Variants in RFX1 observed in about 807,000 individuals in gnomAD.
The protein encoded by RFX1 is MHC class II regulatory factor RFX1.
A neutral mutation model predicts 119.6 loss-of-function variants in RFX1; 42 were observed. The ratio of observed to expected loss-of-function variants is 0.35; its 90% CI spans 0.27 to 0.45. RFX1 has a LOEUF of 0.45. Ranked by LOEUF, RFX1 falls within the 20% of genes least tolerant of loss-of-function variation. RFX1 has a pLI of 1.00. For synonymous variants in RFX1, 628 were observed against 618.5 expected (o/e 1.02, Z -0.23); for missense variants, 1,118 against 1,368.1 (o/e 0.82, Z 2.88).
chr19:13,973,274 A>G (rs1463519140), intron 8 of RFX1, 147 bp from the exon 9 acceptor site: 1 of 651,862 alleles, frequency 1.5e-6, no homozygotes, highest in African/African-American at 1.8e-5. Flanking sequence ...GCATTCATCT[A>G]CAACGGACTG....
At chr19:13,982,296 G>GATGACAGCCCGTGCAGTTGCAC in intron 4 of RFX1, 68 bp from the exon 5 acceptor site, 23 of 868,964 alleles carry the variant, frequency 2.6e-5, no homozygotes, top group Middle Eastern at 3.1e-4. Context: ...CCGAGCATCT[G>GATGACAGCCCGTGCAGTTGCAC]CGCAGTGCCA....
intron 1 of RFX1, chr19:13,998,446 T>G (rs925026886): frequency 4.0e-5 from 6 of 151,382 alleles, no homozygotes; most frequent in Non-Finnish European, 7.4e-5. Flanking sequence ...ATCACACCAC[T>G]GCAATCCAGC....
At chr19:13,971,344 GA>G (rs1175438246) in intron 9 of RFX1, among the ~76,000 whole-genome samples, 2 of 149,848 alleles carry the variant, frequency 1.3e-5, no homozygotes, top group South Asian at 2.1e-4. Context: ...CTCCAAAAAA[GA>G]AAAAAAAAGA....
chr19:13,988,604 TA>T (rs1974691781), intron 2 of RFX1, among the ~76,000 whole-genome samples: 1 of 152,216 alleles, frequency 6.6e-6, no homozygotes, highest in Admixed American at 6.5e-5. Context: ...GGTGCTCCTC[TA>T]GGCTGTTCTG....
At chr19:13,978,384 C>G (rs1974318715) in intron 7 of RFX1, among the ~76,000 whole-genome samples, 1 of 152,048 alleles carries the variant, frequency 6.6e-6, no homozygotes, top group Non-Finnish European at 1.5e-5. Flanking sequence ...GGACCCCAGG[C>G]ACAGGGGCAA....
intron 2 of RFX1, among the ~76,000 whole-genome samples, chr19:13,987,885 G>A (rs947482382): frequency 6.6e-6 from 1 of 152,136 alleles, no homozygotes; most frequent in Non-Finnish European, 1.5e-5. Context: ...CATGGGTACA[G>A]AGTACCCTCC....
chr19:13,962,838 T>TCTC lies in RFX1; in HGVS notation c.2794_2796dup (p.Glu932dup). 3.9e-6 allele frequency: 6 copies of TCTC among 1,528,188 alleles called. No homozygotes were observed. Among genetic ancestry groups the TCTC allele is most frequent in the Non-Finnish European group, 5.3e-6 (6 of 1,140,220 alleles). 94.7% of individuals were successfully genotyped at this position (1,528,188 alleles called of 1,614,324 possible). A position where few individuals can be genotyped will look rare whatever the true frequency, so the allele number is the denominator to read the frequency against. ...ATGTCCTGCGGCAGCTCGTCCTCGC[T>TCTC]CTCCTCCTCCTCTTCTTCCTCCTCG... On this transcript the variant is annotated inframe_insertion, in exon 21 of 21. Transcript: ENST00000254325.
chr19:13,975,829 G>C (rs1599488028), intron 8 of RFX1, among the ~76,000 whole-genome samples: 2 of 152,382 alleles, frequency 1.3e-5, no homozygotes, highest in Admixed American at 1.3e-4. Context: ...GATAGGGCTG[G>C]CAAAGGGTCG....
At position 13,962,217 on chromosome 19, in the gene RFX1, G is replaced by A. The variant is rs949299138; in HGVS notation, c.*478C>T. 8 of 159,732 alleles carry A rather than the reference G, an allele frequency of 5.0e-5. No individual in the cohort carries two copies. The highest frequency in any genetic ancestry group is 1.1e-4 in the Non-Finnish European group (8 of 73,168). The allele number at this position is 159,732 out of a possible 1,614,324, so 9.9% of individuals were successfully genotyped here. A position where few individuals can be genotyped will look rare whatever the true frequency, so the allele number is the denominator to read the frequency against. On this transcript the variant is annotated 3_prime_UTR_variant, in exon 21 of 21. Transcript: ENST00000254325. ...GGGGTTGCTGGGGGTAGGGTGTCCCGGGGCTGCTGCTGACAGTGGGGAGTC... is the reference window on the plus strand; with the variant it reads ...GGGGTTGCTGGGGGTAGGGTGTCCCAGGGCTGCTGCTGACAGTGGGGAGTC...
chr19:13,974,700 C>T (rs1056315079), intron 8 of RFX1, among the ~76,000 whole-genome samples: 7 of 152,120 alleles, frequency 4.6e-5, no homozygotes, highest in Admixed American at 1.3e-4. Flanking sequence ...CGCTAAACAT[C>T]GTTGGACATA....
chr19:13,984,803 A>G (rs1470853061), intron 2 of RFX1, among the ~76,000 whole-genome samples: 1 of 152,156 alleles, frequency 6.6e-6, no homozygotes, highest in African/African-American at 2.4e-5. Flanking sequence ...CACTGCAGAC[A>G]CTAGTGTTGC....
At chr19:14,006,393 T>C (rs967573367), upstream of RFX1, 12 of 152,252 alleles carry the variant, frequency 7.9e-5, no homozygotes, top group East Asian at 5.8e-4. Context: ...GGAGAAGTGA[T>C]TGGACGGCGC....
intron 3 of RFX1, 99 bp from the exon 4 acceptor site, chr19:13,983,369 C>G (rs527719131): frequency 2.9e-4 from 361 of 1,257,712 alleles, no homozygotes; most frequent in Non-Finnish European, 3.9e-4. Context: ...TTGATAAGAA[C>G]AGGTGAGCAG....
At position 13,970,510 on chromosome 19, in the gene RFX1, A is replaced by T. The variant is rs78479720; in HGVS notation, c.1315-335T>A. Among the ~76,000 whole-genome samples, 785 of 151,682 alleles carry T rather than the reference A, an allele frequency of 5.2e-3. 2 individuals are homozygous for T. The highest frequency in any genetic ancestry group is 0.02 in the Middle Eastern group (6 of 294). Reference sequence around the variant, plus strand: ...ACCCTGTCTCTACCAACGAATTTTTAAAAAAATTAGCTAGTGTCGTGGTGC... The same window carrying T: ...ACCCTGTCTCTACCAACGAATTTTTTAAAAAATTAGCTAGTGTCGTGGTGC... On this transcript the variant is annotated intron_variant, in intron 9 of 20. Transcript: ENST00000254325.
Position 13,994,909 on chromosome 19 carries a change from T to C in RFX1, c.-52-1014A>G, listed in dbSNP as rs1219507907. On this transcript the variant is annotated intron_variant, in intron 1 of 20. Coordinates refer to ENST00000254325, the MANE Select transcript of RFX1 (RefSeq NM_002918.5). ...ATATACATACATATATATATATATA[T>C]ATATATATATATATATATATATATA... 9.3e-3 allele frequency among the ~76,000 whole-genome samples: 797 copies of C among 85,430 alleles called. 26 individuals are homozygous for C. The highest frequency in any genetic ancestry group is 0.032 in the African/African-American group (742 of 22,848). 56.0% of individuals were successfully genotyped at this position (85,430 alleles called of 152,430 possible).
At chr19:13,977,156 G>A (rs913077550) in intron 8 of RFX1, among the ~76,000 whole-genome samples, 8 of 151,600 alleles carry the variant, frequency 5.3e-5, no homozygotes, top group Admixed American at 2.6e-4. Flanking sequence ...TTAGCTGGGT[G>A]TGGTGGTGTG....
Position 13,965,336 on chromosome 19 carries a change from C to T in RFX1, c.2211+113G>A, listed in dbSNP as rs1231034103. 2 of 916,186 alleles carry T rather than the reference C, an allele frequency of 2.2e-6. No individual in the cohort carries two copies. Among genetic ancestry groups the T allele is most frequent in the Non-Finnish European group, 1.7e-6 (1 of 581,622 alleles). 56.8% of individuals were successfully genotyped at this position (916,186 alleles called of 1,614,324 possible). On this transcript the variant is annotated intron_variant, in intron 16 of 20. Coordinates refer to ENST00000254325, the MANE Select transcript of RFX1 (RefSeq NM_002918.5). The surrounding 1 kb of genome is among the most constrained non-coding windows in gnomAD (Gnocchi z 4.7). ...GCGGAGAAGGTCTCCCCTTCCTCCA[C>T]AGGCATCATCCCTGGAACAGGCGTG...
rs1974604573 is a variant in RFX1 at position 13,986,614 on chromosome 19, C to A, written c.320-3019G>T. ...GCGAGCGAGCGTCTGCATCTATCTG[C>A]CGGAGATCGCCACTCTGGGCATGCG... On this transcript the variant is annotated intron_variant, in intron 2 of 20. Transcript: ENST00000254325. The surrounding 1 kb of genome is among the most constrained non-coding windows in gnomAD (Gnocchi z 4.2). Among the ~76,000 whole-genome samples the A allele has an allele frequency of 6.6e-6, 1 of 152,158 alleles. No individual in the cohort carries two copies. Among genetic ancestry groups the A allele is most frequent in the Non-Finnish European group, 1.5e-5 (1 of 67,998 alleles).
chr19:13,996,081 A>T (rs1975006506), intron 1 of RFX1, among the ~76,000 whole-genome samples: 1 of 152,060 alleles, frequency 6.6e-6, no homozygotes, highest in South Asian at 2.1e-4. Flanking sequence ...CCTGGCTGTT[A>T]AAGGGTGTGT....
Sources: gnomAD v4.1 joint callset for allele counts (sites outside exome capture counted in the v4.1 genomes callset) on GRCh38, gnomAD v4.1.1 for gene constraint, Gnocchi (gnomAD v3.1) non-coding constraint, MANE v1.5 for transcripts, NCBI Gene and HGNC (gene_info 2026-07-23, HGNC 2026-07-21) for gene names.